Variants in ACACA observed in about 807,000 individuals in gnomAD.
ACACA encodes the protein acetyl-CoA carboxylase 1.
A neutral mutation model predicts 296.1 loss-of-function variants in ACACA; 103 were observed. The observed-to-expected ratio is 0.35, with a 90% CI of 0.30 to 0.41. ACACA has a LOEUF of 0.41. ACACA is among the 10% of genes least tolerant of loss of function. The probability of loss-of-function intolerance (pLI) is 1.00; values close to 1 mark genes in which losing one functional copy is unlikely to be tolerated. For synonymous variants in ACACA, 953 were observed against 1,038.6 expected, an observed-to-expected ratio of 0.92 and a Z score of 1.58; for missense variants, 1,554 against 2,989.7, an observed-to-expected ratio of 0.52 and a Z score of 11.20.
intron 54 of ACACA, among the ~76,000 whole-genome samples, chr17:37,090,731 C>T (rs755278042): frequency 3.9e-5 from 6 of 152,180 alleles, no homozygotes; most frequent in East Asian, 1.9e-4. Flanking sequence ...GCTTGCTGCA[C>T]GCCCCACATA....
intron 41 of ACACA, among the ~76,000 whole-genome samples, chr17:37,173,822 T>C (rs915695147): frequency 6.9e-6 from 1 of 145,326 alleles, no homozygotes; most frequent in Non-Finnish European, 1.5e-5. Context: ...CAGCTAGTCT[T>C]TTTTTTTTTC....
chr17:37,386,825 CT>C (rs112796389), intron 1 of ACACA: 440 of 144,318 alleles, frequency 3.0e-3, no homozygotes, highest in Middle Eastern at 0.014. Flanking sequence ...TTTTCTTTTT[CT>C]TTTTTTTTTT....
chr17:37,359,117 GC>G, intron 1 of ACACA: 1 of 985,520 alleles, frequency 1.0e-6, no homozygotes, highest in African/African-American at 1.7e-5. Context: ...CACCAGGCCG[GC>G]CCGGCACACG....
At chr17:37,318,240 C>CT (rs1441318289) in intron 3 of ACACA, among the ~76,000 whole-genome samples, 1 of 152,028 alleles carries the variant, frequency 6.6e-6, no homozygotes, top group Non-Finnish European at 1.5e-5. Context: ...ACTTTCTTTT[C>CT]TTTTTTTCTG....
chr17:37,342,927 C>CAAAAA (rs2048451773), intron 1 of ACACA, among the ~76,000 whole-genome samples: 1 of 151,744 alleles, frequency 6.6e-6, no homozygotes, highest in Non-Finnish European at 1.5e-5. Flanking sequence ...GATTTTGTCT[C>CAAAAA]AAAAACAAAA....
chr17:37,290,412 C>T (rs1233377146), intron 3 of ACACA, among the ~76,000 whole-genome samples: 1 of 152,140 alleles, frequency 6.6e-6, no homozygotes, highest in Non-Finnish European at 1.5e-5. Flanking sequence ...CAAAATAACA[C>T]TATTTCTGAG....
At chr17:37,378,238 C>T (rs2050093210) in intron 1 of ACACA, among the ~76,000 whole-genome samples, 1 of 152,194 alleles carries the variant, frequency 6.6e-6, no homozygotes, top group Admixed American at 6.5e-5. Flanking sequence ...GAGCATTTCT[C>T]TGTGCTAAAT....
At chr17:37,385,491 G>A (rs958594043) in intron 1 of ACACA, among the ~76,000 whole-genome samples, 2 of 151,696 alleles carry the variant, frequency 1.3e-5, no homozygotes, top group African/African-American at 4.8e-5. Flanking sequence ...AAAAATTGCT[G>A]AATGAATGAA....
intron 8 of ACACA, among the ~76,000 whole-genome samples, chr17:37,274,960 T>C (rs2082214440): frequency 6.7e-6 from 1 of 150,340 alleles, no homozygotes; most frequent in Non-Finnish European, 1.5e-5. Flanking sequence ...TGTATGTCTG[T>C]TCCCAGTGCT....
At position 37,406,602 on chromosome 17, in the gene ACACA, AG is replaced by A; in HGVS notation, c.-304del. The stretch of plus-strand genomic sequence containing the variant: ...CTCGGCCCGCCTCACCGCACTCCGG[AG>A]GGGACCAAACAGCCCCACGCGCCAG... On this transcript the variant is annotated 5_prime_UTR_variant, in exon 1 of 56. Coordinates refer to ENST00000616317, the MANE Select transcript of ACACA (RefSeq NM_198834.3). 1.8e-6 allele frequency: 1 copy of A among 557,472 alleles called. No individual in the cohort carries two copies. Among genetic ancestry groups the A allele is most frequent in the South Asian group, 2.0e-5 (1 of 49,790 alleles). The allele number at this position is 557,472 out of a possible 1,614,324, so 34.5% of individuals were successfully genotyped here. A position where few individuals can be genotyped will look rare whatever the true frequency, so the allele number is the denominator to read the frequency against.
At chr17:37,107,268 G>A (rs921525026) in intron 52 of ACACA, among the ~76,000 whole-genome samples, 15 of 152,170 alleles carry the variant, frequency 9.9e-5, no homozygotes, top group African/African-American at 3.4e-4. Flanking sequence ...AAGCAACTCT[G>A]GCTCTTTTCA....
intron 9 of ACACA, among the ~76,000 whole-genome samples, chr17:37,272,718 G>A (rs569081483): frequency 2.6e-4 from 39 of 152,060 alleles, no homozygotes; most frequent in Non-Finnish European, 1.3e-4. Context: ...CGGGGAGGTA[G>A]AAGGACAAAA....
At chr17:37,378,085 G>A (rs2050086568) in intron 1 of ACACA, 2 of 909,270 alleles carry the variant, frequency 2.2e-6, no homozygotes, top group South Asian at 1.7e-5. Flanking sequence ...TTAAGGATAT[G>A]TATCCTCCCA....
chr17:37,301,570 A>G (rs1243610443), intron 3 of ACACA, among the ~76,000 whole-genome samples: 1 of 152,190 alleles, frequency 6.6e-6, no homozygotes, highest in Non-Finnish European at 1.5e-5. Context: ...CAAGCAGAGA[A>G]ATCTTGGATC....
At position 37,121,340 on chromosome 17, in the gene ACACA, A is replaced by G. The variant is rs756552751; in HGVS notation, c.6274+15T>C. 7 of 1,613,926 alleles carry G rather than the reference A, an allele frequency of 4.3e-6. No individual in the cohort carries two copies. The highest frequency in any genetic ancestry group is 5.9e-6 in the Non-Finnish European group (7 of 1,179,994). On this transcript the variant is annotated intron_variant, in intron 50 of 55. Coordinates refer to ENST00000616317, the MANE Select transcript of ACACA (RefSeq NM_198834.3). ...AATCAGTGATGCCCCTCCAGCCCACAGGCAGCCCAGTCACCTTTCATTCCA... is the reference window on the plus strand; with the variant it reads ...AATCAGTGATGCCCCTCCAGCCCACGGGCAGCCCAGTCACCTTTCATTCCA...
intron 1 of ACACA, chr17:37,387,986 G>A (rs568726759): frequency 6.6e-6 from 1 of 152,206 alleles, no homozygotes; most frequent in African/African-American, 2.4e-5. Context: ...AATATAATGA[G>A]ACTCTGTCTG....
chr17:37,132,870 T>C (rs1316782103), intron 45 of ACACA, among the ~76,000 whole-genome samples: 1 of 152,210 alleles, frequency 6.6e-6, no homozygotes, highest in Non-Finnish European at 1.5e-5. Flanking sequence ...TTCTACCCCA[T>C]ATTTTTACAA....
chr17:37,216,548 GT>G (rs548005495), intron 29 of ACACA, among the ~76,000 whole-genome samples: 44 of 150,770 alleles, frequency 2.9e-4, no homozygotes, highest in Admixed American at 1.5e-3. Flanking sequence ...AATTATTGGA[GT>G]TTTTTTTTCT....
At chr17:37,204,277 C>A (rs868417012) in intron 33 of ACACA, among the ~76,000 whole-genome samples, 1 of 152,178 alleles carries the variant, frequency 6.6e-6, no homozygotes, top group African/African-American at 2.4e-5. Flanking sequence ...CCTATCCTGT[C>A]CCCTCAACTA....
Sources: allele counts gnomAD v4.1 joint callset (sites outside exome capture counted in the v4.1 genomes callset), GRCh38; gene constraint gnomAD v4.1.1; transcripts MANE v1.5; gene names NCBI Gene and HGNC (gene_info 2026-07-23, HGNC 2026-07-21).